Variants in CDH18 observed in about 807,000 individuals in gnomAD.
CDH18 encodes the protein cadherin-18.
CDH18 carries 31 observed loss-of-function variants against 67.9 expected under a neutral mutation model. The observed-to-expected ratio is 0.46, with a 90% CI of 0.34 to 0.62. The LOEUF (loss-of-function observed/expected upper bound fraction) is 0.62. Among genes scored for constraint, CDH18 ranks in the 20% least tolerant of loss-of-function variants. The pLI is 0.01. For missense variants in CDH18, 890 were observed against 975.5 expected (o/e 0.91, Z 1.17); for synonymous variants, 362 against 347.2 (o/e 1.04, Z -0.48).
At chr5:20,141,713 G>A (rs368404240) in intron 2 of CDH18, among the ~76,000 whole-genome samples, 1 of 152,104 alleles carries the variant, frequency 6.6e-6, no homozygotes, top group Non-Finnish European at 1.5e-5. Context: ...ATTACATGGG[G>A]ACATGACTTG....
In CDH18 at chr5:19,886,587, T is replaced by C. The variant is rs148576859; in HGVS notation, c.-256-47345A>G. Among the ~76,000 whole-genome samples, 480 of 152,308 alleles carry C rather than the reference T, an allele frequency of 3.2e-3. 2 individuals are homozygous for C. Among genetic ancestry groups the C allele is most frequent in the South Asian group, 8.9e-3 (43 of 4,832 alleles). ...GCAATCAATCTTTCTCTTTTGAGTA[T>C]GTGTGTTACTCCGGTAATGTATCTT... On this transcript the variant is annotated intron_variant, in intron 2 of 12. Coordinates refer to ENST00000382275, the MANE Select transcript of CDH18 (RefSeq NM_004934.5).
At chr5:20,280,767 C>A (rs1207975515) in intron 1 of CDH18, among the ~76,000 whole-genome samples, 1 of 152,104 alleles carries the variant, frequency 6.6e-6, no homozygotes, top group African/African-American at 2.4e-5. Flanking sequence ...GTTCTAGATC[C>A]CTGAGGAATC....
At chr5:19,950,312 G>A (rs1249776556) in intron 2 of CDH18, among the ~76,000 whole-genome samples, 2 of 152,034 alleles carry the variant, frequency 1.3e-5, no homozygotes, top group Non-Finnish European at 2.9e-5. Flanking sequence ...ATAAGTGGGA[G>A]CTAAGCCATG....
chr5:20,371,711 G>T (rs953660579), intron 1 of CDH18, among the ~76,000 whole-genome samples: 4 of 152,186 alleles, frequency 2.6e-5, no homozygotes, highest in Non-Finnish European at 4.4e-5. Flanking sequence ...GAGCGGGAGA[G>T]ATAGTGCAGC....
intron 1 of CDH18, among the ~76,000 whole-genome samples, chr5:20,487,346 G>GTATAAACCTATATATATATA (rs1554008207): frequency 6.7e-6 from 1 of 148,414 alleles, no homozygotes; most frequent in African/African-American, 2.5e-5. Context: ...ACCTATATAT[G>GTATAAACCTATATATATATA]TATAAACCTA....
At chr5:19,507,211 T>C (rs898887597) in intron 10 of CDH18, among the ~76,000 whole-genome samples, 32 of 152,108 alleles carry the variant, frequency 2.1e-4, no homozygotes, top group African/African-American at 7.0e-4. Context: ...TGAGATACCA[T>C]CTCACCCCAG....
intron 5 of CDH18, among the ~76,000 whole-genome samples, chr5:19,697,516 G>A (rs764878177): frequency 1.3e-5 from 2 of 152,202 alleles, no homozygotes; most frequent in South Asian, 4.1e-4. Context: ...ACTGCAAAAT[G>A]TAGATTATTT....
chr5:20,276,315 A>C (rs1278836329), intron 1 of CDH18, among the ~76,000 whole-genome samples: 1 of 152,108 alleles, frequency 6.6e-6, no homozygotes, highest in Non-Finnish European at 1.5e-5. Flanking sequence ...GAAGAGTAAA[A>C]ATAACTTTGT....
chr5:20,012,982 A>C (rs1202225822), intron 2 of CDH18, among the ~76,000 whole-genome samples: 1 of 152,102 alleles, frequency 6.6e-6, no homozygotes, highest in Non-Finnish European at 1.5e-5. Context: ...CTTGGTGATT[A>C]AATAATCTGT....
chr5:19,869,895 G>A (rs1786039688), intron 2 of CDH18, among the ~76,000 whole-genome samples: 1 of 151,980 alleles, frequency 6.6e-6, no homozygotes. Context: ...AGTCTTACTA[G>A]AACAACTAAC....
In CDH18 at chr5:19,771,081, A is replaced by G. The variant is rs567556357; in HGVS notation, c.229-23845T>C. 5.3e-5 allele frequency among the ~76,000 whole-genome samples: 8 copies of G among 152,272 alleles called. No homozygotes were observed. In the South Asian group the frequency reaches 1.7e-3, roughly 32 times the overall value. On this transcript the variant is annotated intron_variant, in intron 3 of 12. Transcript: ENST00000382275. ...ATGATACTTTTGGGGTACTTGGGTG[A>G]AGAGAAGTGTATTTTGTGAGAGAAA...
intron 5 of CDH18, among the ~76,000 whole-genome samples, chr5:19,654,459 G>T (rs180781683): frequency 6.6e-6 from 1 of 152,170 alleles, no homozygotes; most frequent in Non-Finnish European, 1.5e-5. Flanking sequence ...TGTCACAGAC[G>T]TGTGGCTCAT....
chr5:20,258,595 TTAAC>T (rs1435449004), intron 1 of CDH18, among the ~76,000 whole-genome samples: 2 of 152,142 alleles, frequency 1.3e-5, no homozygotes, highest in Non-Finnish European at 2.9e-5. Flanking sequence ...CATGAACAAA[TTAAC>T]TATCACATAT....
At chr5:19,805,398 T>TC (rs1777936413) in intron 3 of CDH18, among the ~76,000 whole-genome samples, 1 of 152,178 alleles carries the variant, frequency 6.6e-6, no homozygotes, top group Non-Finnish European at 1.5e-5. Flanking sequence ...CTCTGTGAAG[T>TC]CCCAGTTTTC....
At chr5:19,951,840 A>G (rs978962493) in intron 2 of CDH18, among the ~76,000 whole-genome samples, 2 of 152,128 alleles carry the variant, frequency 1.3e-5, no homozygotes, top group Non-Finnish European at 2.9e-5. Context: ...CCAGATGGTT[A>G]TAAATATTTA....
chr5:20,225,259 A>G (rs1422792962), intron 2 of CDH18, among the ~76,000 whole-genome samples: 1 of 152,102 alleles, frequency 6.6e-6, no homozygotes, highest in African/African-American at 2.4e-5. Flanking sequence ...TCCCATAACT[A>G]GAAGGTAATC....
At chr5:19,881,459 C>T (rs185843230) in intron 2 of CDH18, among the ~76,000 whole-genome samples, 306 of 149,170 alleles carry the variant, frequency 2.1e-3, no homozygotes, top group African/African-American at 7.2e-3. Flanking sequence ...TTACTCTAGT[C>T]TAATGTTCAT....
intron 2 of CDH18, among the ~76,000 whole-genome samples, chr5:19,884,593 G>T (rs1264567319): frequency 6.6e-6 from 1 of 151,548 alleles, no homozygotes; most frequent in Non-Finnish European, 1.5e-5. Flanking sequence ...TAGATTAAAA[G>T]AAATATGGGA....
In CDH18 at chr5:19,666,247, T is replaced by TTAC. The variant is rs1247908951; in HGVS notation, c.644-53647_644-53646insGTA. ...CACGCCTGTATGATTTTTATTATTA[T>TTAC]TATTATTATTATTATTATTATTATT... is the stretch of plus-strand genomic sequence containing the variant. On this transcript the variant is annotated intron_variant, in intron 5 of 12. Transcript: ENST00000382275. Among the ~76,000 whole-genome samples the TTAC allele has an allele frequency of 1.7e-4, 23 of 133,722 alleles. 1 individual carries two copies. In the East Asian group the frequency reaches 4.7e-3, roughly 27 times the overall value. The allele number at this position is 133,722 out of a possible 152,430, so 87.7% of individuals were successfully genotyped here.
Sources: allele counts gnomAD v4.1 joint callset (sites outside exome capture counted in the v4.1 genomes callset), GRCh38; gene constraint gnomAD v4.1.1; transcripts MANE v1.5; gene names NCBI Gene and HGNC (gene_info 2026-07-23, HGNC 2026-07-21).